EXOC2: variants seen among roughly 807,000 people sequenced by gnomAD.
The protein encoded by EXOC2 is SEC5-like 1.
In EXOC2, 70 loss-of-function variants were observed where a neutral mutation model predicts 131.8. That is an observed-to-expected ratio of 0.53 (90% confidence interval 0.44 to 0.65). The LOEUF is 0.65. Among genes scored for constraint, EXOC2 ranks in the 30% least tolerant of loss-of-function variants. The probability of loss-of-function intolerance (pLI) is 0.00; values close to 1 mark genes in which losing one functional copy is unlikely to be tolerated. For synonymous variants in EXOC2, 411 were observed against 398.4 expected (o/e 1.03, Z -0.38); for missense variants, 923 against 1,108.6 (o/e 0.83, Z 2.38).
At chr6:548,667 G>A (rs1392460287) in intron 22 of EXOC2, among the ~76,000 whole-genome samples, 2 of 152,146 alleles carry the variant, frequency 1.3e-5, no homozygotes, top group South Asian at 2.1e-4. Flanking sequence ...CTGAGCCAGC[G>A]GCTGTGTGTG....
intron 1 of EXOC2, chr6:656,036 A>T: frequency 8.6e-7 from 1 of 1,162,114 alleles, no homozygotes; most frequent in Non-Finnish European, 1.2e-6. Flanking sequence ...TTTTCAACCC[A>T]ATTAACTCAG....
At chr6:499,604 TG>T in intron 24 of EXOC2, 40 bp downstream of exon 24, 2 of 1,522,238 alleles carry the variant, frequency 1.3e-6, no homozygotes, top group Admixed American at 1.9e-5. Context: ...TTCTTTTTTT[TG>T]GTTATCCATA....
At position 532,535 on chromosome 6, in the gene EXOC2, C is replaced by T. The variant is rs749910944; in HGVS notation, c.2314G>A (p.Val772Ile). 5 of 1,608,688 alleles carry T rather than the reference C, an allele frequency of 3.1e-6. No individual in the cohort carries two copies. Among genetic ancestry groups the T allele is most frequent in the Non-Finnish European group, 4.2e-6 (5 of 1,178,368 alleles). Residue 772 changes from valine to isoleucine, a missense_variant, in exon 23 of 28, where the codon GTT becomes ATT. Transcript: ENST00000230449. The part of the protein sequence containing the change: ...NYIELKADPI[V>I]GSLEPGIYAG... ...TAAATTCCAGGTTCTAAGGAGCCAACGATGGGATCTGCTTTCAACTCGATG... is the reference window on the plus strand; with the variant it reads ...TAAATTCCAGGTTCTAAGGAGCCAATGATGGGATCTGCTTTCAACTCGATG...
intron 1 of EXOC2, chr6:656,318 G>A (rs1763083487): frequency 1.2e-6 from 2 of 1,614,164 alleles, no homozygotes; most frequent in Admixed American, 1.7e-5. Flanking sequence ...ACTGGGGAGG[G>A]TTTCCAAGAT....
chr6:598,220 C>CTGAT, intron 9 of EXOC2, 97 bp from the exon 10 acceptor site: 1 of 828,230 alleles, frequency 1.2e-6, no homozygotes, highest in Non-Finnish European at 1.9e-6. Context: ...GGGGTGAGGG[C>CTGAT]TAAGAGGCAC....
At chr6:527,593 C>G (rs4341048) in intron 23 of EXOC2, among the ~76,000 whole-genome samples, 5 of 152,236 alleles carry the variant, frequency 3.3e-5, no homozygotes, top group African/African-American at 1.2e-4. Flanking sequence ...ACACCACTGA[C>G]GGGCAGGAGG....
intron 6 of EXOC2, among the ~76,000 whole-genome samples, chr6:616,162 A>G (rs1760987661): frequency 1.3e-5 from 2 of 152,214 alleles, no homozygotes; most frequent in Admixed American, 1.3e-4. Flanking sequence ...GTGTTGCTCT[A>G]TGTGCTGTCA....
chr6:564,397 G>C, intron 15 of EXOC2, 148 bp downstream of exon 15: 1 of 1,207,312 alleles, frequency 8.3e-7, no homozygotes. Context: ...GAGGAGCTTA[G>C]CTGTCAGATG....
Position 506,913 on chromosome 6 carries a change from G to A in EXOC2, c.2381-7213C>T, listed in dbSNP as rs1254716002. 6.6e-6 allele frequency among the ~76,000 whole-genome samples: 1 copy of A among 151,982 alleles called. No homozygotes were observed. The highest frequency in any genetic ancestry group is 2.4e-5 in the African/African-American group (1 of 41,362). On this transcript the variant is annotated intron_variant, in intron 23 of 27. Transcript: ENST00000230449. This position sits in a 1 kb window ranked among gnomAD's most constrained non-coding sequence, Gnocchi z 4.4. The stretch of plus-strand genomic sequence containing the variant: ...TCATATAGGAAGGTCACTTGATTTT[G>A]GAACAGGCAAACTGGCACACTATTA...
At chr6:603,525 T>C (rs1254728615) in intron 7 of EXOC2, among the ~76,000 whole-genome samples, 2 of 152,114 alleles carry the variant, frequency 1.3e-5, no homozygotes, top group African/African-American at 2.4e-5. Flanking sequence ...CCAAGCTGAG[T>C]TGGCAGCTTG....
chr6:502,280 C>T (rs567933312), intron 23 of EXOC2, among the ~76,000 whole-genome samples: 2 of 152,208 alleles, frequency 1.3e-5, no homozygotes, highest in Non-Finnish European at 2.9e-5. Flanking sequence ...CCTGCAAGAA[C>T]AAGTGTCAGG....
rs972674385 is a variant in EXOC2 at position 693,026 on chromosome 6, C to T, written c.-51G>A. On this transcript the variant is annotated 5_prime_UTR_variant, in exon 1 of 28. Coordinates refer to ENST00000230449, the MANE Select transcript of EXOC2 (RefSeq NM_018303.6). The stretch of plus-strand genomic sequence containing the variant: ...CCAGCCTCCCACACATACCTCCAGC[C>T]GTCCTGCCGCAGCTCACGGCCGGCA... The T allele has an allele frequency of 1.3e-5, 2 of 152,610 alleles. No homozygotes were observed. Among genetic ancestry groups the T allele is most frequent in the African/African-American group, 4.8e-5 (2 of 41,602 alleles). The allele number at this position is 152,610 out of a possible 1,614,324, so 9.5% of individuals were successfully genotyped here.
At chr6:686,228 C>T (rs1312315716) in intron 1 of EXOC2, among the ~76,000 whole-genome samples, 1 of 151,986 alleles carries the variant, frequency 6.6e-6, no homozygotes, top group Admixed American at 6.6e-5. Flanking sequence ...TCCCAAAGTG[C>T]TGGGATTACA....
intron 23 of EXOC2, among the ~76,000 whole-genome samples, chr6:531,832 C>T (rs546526732): frequency 9.1e-4 from 139 of 152,314 alleles, no homozygotes; most frequent in African/African-American, 3.2e-3. Context: ...AGGTATTCCA[C>T]GTTATTTCAT....
intron 6 of EXOC2, among the ~76,000 whole-genome samples, chr6:612,379 G>A (rs968525596): frequency 2.0e-5 from 3 of 152,168 alleles, no homozygotes; most frequent in African/African-American, 7.2e-5. Flanking sequence ...GAAGAGGAAG[G>A]GTTAGTGTAA....
intron 26 of EXOC2, 102 bp from the exon 27 acceptor site, chr6:489,140 T>A: frequency 1.9e-6 from 2 of 1,078,538 alleles, no homozygotes; most frequent in Non-Finnish European, 2.7e-6. Context: ...TAAAAGCCAG[T>A]GAAGCAAGGA....
In EXOC2 at chr6:619,497, T is replaced by A. The variant is rs773465394; in HGVS notation, c.469A>T (p.Ser157Cys). ...AAATTCTCACTTGTAAAATCAGCAC[T>A]CATTCCATGGAATAGCATTTCTAAG... ...KDLEMLFHGM[S>C]ADFTSENFSA... is the part of the protein sequence containing the mutation. Residue 157 changes from serine (S) to cysteine (C), a missense_variant, in exon 5 of 28, where the codon AGT becomes TGT. Physicochemically the swap from Ser to Cys is moderately radical, Grantham distance 112. Transcript: ENST00000230449. 4 of 1,614,138 alleles carry A rather than the reference T, an allele frequency of 2.5e-6. No individual in the cohort carries two copies. Among genetic ancestry groups the A allele is most frequent in the Non-Finnish European group, 3.4e-6 (4 of 1,180,006 alleles).
intron 10 of EXOC2, among the ~76,000 whole-genome samples, chr6:594,054 C>A (rs976173407): frequency 1.3e-5 from 2 of 152,202 alleles, no homozygotes; most frequent in African/African-American, 4.8e-5. Context: ...CCCTTGTGAC[C>A]ACCTACAGGT....
chr6:499,814 A>G (rs2127481038), intron 23 of EXOC2, 114 bp from the exon 24 acceptor site: 1 of 747,262 alleles, frequency 1.3e-6, no homozygotes. Flanking sequence ...ACAGAAAGTA[A>G]CACCACCACT....
Sources: allele counts gnomAD v4.1 joint callset (sites outside exome capture counted in the v4.1 genomes callset), GRCh38; gene constraint gnomAD v4.1.1; non-coding constraint Gnocchi (gnomAD v3.1); transcripts MANE v1.5; gene names NCBI Gene and HGNC (gene_info 2026-07-23, HGNC 2026-07-21).